Variants in NMNAT2 observed in about 807,000 individuals in gnomAD.
NMNAT2 encodes nicotinamide nucleotide adenylyltransferase 2, also known as nicotinamide/nicotinic acid mononucleotide adenylyltransferase 2.
In NMNAT2, 11 loss-of-function variants were observed where a neutral mutation model predicts 41.6. The ratio of observed to expected loss-of-function variants is 0.26; its 90% CI spans 0.17 to 0.44. The LOEUF (loss-of-function observed/expected upper bound fraction) is 0.44, where lower values mean the gene tolerates loss of function less well. Among genes scored for constraint, NMNAT2 ranks in the 20% least tolerant of loss-of-function variants. The pLI is 1.00. For missense variants in NMNAT2, 288 were observed against 407.7 expected, an observed-to-expected ratio of 0.71 and a Z score of 2.53; for synonymous variants, 148 against 151.2, an observed-to-expected ratio of 0.98 and a Z score of 0.16.
At chr1:183,399,246 C>T (rs146783846) in intron 1 of NMNAT2, among the ~76,000 whole-genome samples, 1,501 of 145,012 alleles carry the variant, frequency 0.01, 15 homozygotes, top group African/African-American at 0.032. Flanking sequence ...ACCAATCCCA[C>T]GGAAATACAG....
chr1:183,316,397 G>T (rs994254426), intron 1 of NMNAT2, among the ~76,000 whole-genome samples: 4 of 152,190 alleles, frequency 2.6e-5, no homozygotes, highest in African/African-American at 9.7e-5. Context: ...TCTGTCTCCT[G>T]CAGGCCCTCC....
intron 1 of NMNAT2, among the ~76,000 whole-genome samples, chr1:183,314,605 G>A (rs982514891): frequency 9.9e-5 from 15 of 152,242 alleles, no homozygotes; most frequent in Non-Finnish European, 2.1e-4. Context: ...GCATTTCTCT[G>A]TTTCTAGCTC....
chr1:183,307,226 T>G (rs1342697654), intron 1 of NMNAT2, among the ~76,000 whole-genome samples: 1 of 152,078 alleles, frequency 6.6e-6, no homozygotes, highest in Non-Finnish European at 1.5e-5. Flanking sequence ...GCTTAGAAAG[T>G]CATCTCTAGA....
At chr1:183,402,956 ATATCT>A (rs1202248978) in intron 1 of NMNAT2, among the ~76,000 whole-genome samples, 11 of 124,784 alleles carry the variant, frequency 8.8e-5, no homozygotes, top group Non-Finnish European at 1.8e-4. Flanking sequence ...AAACAACATC[ATATCT>A]TTTTTTTTTT....
intron 10 of NMNAT2, among the ~76,000 whole-genome samples, chr1:183,258,669 G>C (rs116782766): frequency 0.018 from 2,759 of 152,194 alleles, 66 homozygotes; most frequent in African/African-American, 0.063. Context: ...AAGGCTACAA[G>C]ATCTGACCCT....
At chr1:183,356,133 T>G (rs1663179675) in intron 1 of NMNAT2, among the ~76,000 whole-genome samples, 1 of 152,224 alleles carries the variant, frequency 6.6e-6, no homozygotes, top group Non-Finnish European at 1.5e-5. Flanking sequence ...TCTCATAGAA[T>G]CCTCAGGACA....
intron 1 of NMNAT2, among the ~76,000 whole-genome samples, chr1:183,307,543 A>G (rs1178963835): frequency 6.6e-6 from 1 of 151,948 alleles, no homozygotes; most frequent in African/African-American, 2.4e-5. Flanking sequence ...CCTGGGTTCA[A>G]GTGATTCTCC....
intron 1 of NMNAT2, among the ~76,000 whole-genome samples, chr1:183,410,731 C>T (rs1242127278): frequency 1.3e-5 from 2 of 148,530 alleles, no homozygotes; most frequent in South Asian, 4.2e-4. Flanking sequence ...ATGCCATTCT[C>T]TCTCTCTTTT....
At chr1:183,317,608 C>G (rs1034098256) in intron 1 of NMNAT2, among the ~76,000 whole-genome samples, 1 of 152,150 alleles carries the variant, frequency 6.6e-6, no homozygotes, top group Non-Finnish European at 1.5e-5. Context: ...CTTACCCACT[C>G]CCTCATCACC....
chr1:183,264,893 C>T (rs948957604), intron 8 of NMNAT2, among the ~76,000 whole-genome samples: 3 of 152,122 alleles, frequency 2.0e-5, no homozygotes, highest in East Asian at 3.9e-4. Context: ...TCTGGGCCCC[C>T]GTGCTAATTC....
At chr1:183,394,408 G>A (rs1648572439) in intron 1 of NMNAT2, among the ~76,000 whole-genome samples, 1 of 152,198 alleles carries the variant, frequency 6.6e-6, no homozygotes, top group African/African-American at 2.4e-5. Context: ...CAGTGAAACA[G>A]TCTGGAAATG....
intron 1 of NMNAT2, among the ~76,000 whole-genome samples, chr1:183,331,851 A>C (rs1662593598): frequency 6.6e-6 from 1 of 152,116 alleles, no homozygotes; most frequent in South Asian, 2.1e-4. Context: ...ACAGTGGTGC[A>C]ATCTGGGCTC....
chr1:183,319,702 C>T (rs923631718), intron 1 of NMNAT2, among the ~76,000 whole-genome samples: 1 of 152,060 alleles, frequency 6.6e-6, no homozygotes, highest in Non-Finnish European at 1.5e-5. Flanking sequence ...TTTTTGGTTT[C>T]CACTATTCTA....
At chr1:183,327,453 A>G (rs184850730) in intron 1 of NMNAT2, among the ~76,000 whole-genome samples, 73 of 152,346 alleles carry the variant, frequency 4.8e-4, no homozygotes, top group Admixed American at 4.8e-3. Context: ...TGGCTCAAGC[A>G]TCACCAATCC....
intron 1 of NMNAT2, among the ~76,000 whole-genome samples, chr1:183,296,138 C>T (rs1661690105): frequency 1.3e-5 from 2 of 152,228 alleles, no homozygotes. Context: ...GCGTGAGCCA[C>T]CGCGCCCGGC....
At chr1:183,326,575 A>G (rs1662469615) in intron 1 of NMNAT2, among the ~76,000 whole-genome samples, 1 of 152,116 alleles carries the variant, frequency 6.6e-6, no homozygotes, top group Non-Finnish European at 1.5e-5. Flanking sequence ...GGAAAATTTG[A>G]TGTGTTCTAG....
In NMNAT2 at chr1:183,361,217, A is replaced by G. The variant is rs528434610; in HGVS notation, c.85+56966T>C. On this transcript the variant is annotated intron_variant, in intron 1 of 10. Transcript: ENST00000287713. ...AAGATTCAAACCCAGGCATTTGACT[A>G]CCGAGTCTGGACTGAATGCTACTCA... Among the ~76,000 whole-genome samples, 4 of 152,336 alleles carry G rather than the reference A, an allele frequency of 2.6e-5. No homozygotes were observed. The East Asian group carries it at 7.7e-4, about 29-fold the overall frequency.
At chr1:183,414,519 A>C (rs1245346909) in intron 1 of NMNAT2, among the ~76,000 whole-genome samples, 1 of 152,202 alleles carries the variant, frequency 6.6e-6, no homozygotes, top group Non-Finnish European at 1.5e-5. Flanking sequence ...TAAAACTTCC[A>C]ATTCCACATT....
chr1:183,278,974 G>C (rs1027742242), intron 7 of NMNAT2, among the ~76,000 whole-genome samples: 8 of 152,188 alleles, frequency 5.3e-5, no homozygotes, highest in Non-Finnish European at 1.2e-4. Flanking sequence ...AGCCAGCTAC[G>C]CATCTTGTCT....
Sources: gnomAD v4.1 joint callset for allele counts (sites outside exome capture counted in the v4.1 genomes callset) on GRCh38, gnomAD v4.1.1 for gene constraint, MANE v1.5 for transcripts, NCBI Gene and HGNC (gene_info 2026-07-23, HGNC 2026-07-21) for gene names.